SORCS2: variants seen among roughly 807,000 people sequenced by gnomAD.
The protein encoded by SORCS2 is sortilin related VPS10 domain containing receptor 2.
Under a neutral mutation model 141.6 loss-of-function variants are expected in SORCS2, and 100 were observed. The ratio of observed to expected loss-of-function variants is 0.71; its 90% confidence interval spans 0.60 to 0.83. The LOEUF is 0.83. Among genes scored for constraint, SORCS2 ranks in the 40% least tolerant of loss-of-function variants. The probability of loss-of-function intolerance (pLI) is 0.00; values close to 1 mark genes in which losing one functional copy is unlikely to be tolerated. For synonymous variants in SORCS2, 789 were observed against 676.9 expected (o/e 1.17, Z -2.57); for missense variants, 1,646 against 1,560.2 (o/e 1.05, Z -0.93).
chr4:7,236,538 G>A (rs1201744265), intron 1 of SORCS2, among the ~76,000 whole-genome samples: 1 of 152,154 alleles, frequency 6.6e-6, no homozygotes, highest in Admixed American at 6.5e-5. Flanking sequence ...CTGTGTTGCT[G>A]CCTAGTAGAG....
Position 7,530,798 on chromosome 4 carries a change from G to T in SORCS2, c.549-732G>T, listed in dbSNP as rs983369310. On this transcript the variant is annotated intron_variant, in intron 2 of 26. Transcript: ENST00000507866. ...TGCTGGGCAGCCAAGGCGCTTTAAA[G>T]CTCAGTGTACTCTCAGATTCTCACT... 6.6e-5 allele frequency among the ~76,000 whole-genome samples: 10 copies of T among 152,236 alleles called. No individual in the cohort carries two copies. The East Asian group carries it at 9.6e-4, about 15-fold the overall frequency.
intron 11 of SORCS2, among the ~76,000 whole-genome samples, chr4:7,695,940 G>GGATGGATGGATGGA (rs1560491052): frequency 1.1e-5 from 1 of 88,524 alleles, no homozygotes; most frequent in African/African-American, 4.4e-5. Context: ...GGGTGGGTGG[G>GGATGGATGGATGGA]TGGATGGATG....
intron 11 of SORCS2, among the ~76,000 whole-genome samples, chr4:7,691,591 T>G (rs912051313): frequency 6.6e-6 from 1 of 152,142 alleles, no homozygotes; most frequent in African/African-American, 2.4e-5. Context: ...ACAGCCCATC[T>G]GGACAGCCTC....
chr4:7,443,367 A>G (rs1727798536), intron 2 of SORCS2, among the ~76,000 whole-genome samples: 1 of 152,162 alleles, frequency 6.6e-6, no homozygotes, highest in African/African-American at 2.4e-5. Flanking sequence ...GTGTTTGTGG[A>G]GCACCTAGGA....
chr4:7,622,151 C>T (rs1298650688), intron 3 of SORCS2, among the ~76,000 whole-genome samples: 1 of 152,106 alleles, frequency 6.6e-6, no homozygotes, highest in Non-Finnish European at 1.5e-5. Flanking sequence ...CCTGAGGCAC[C>T]TCCTTCTCCC....
intron 19 of SORCS2, among the ~76,000 whole-genome samples, 193 bp from the exon 20 acceptor site, chr4:7,724,961 G>GGCA (rs1727095595): frequency 7.3e-6 from 1 of 136,958 alleles, no homozygotes. Flanking sequence ...TGTTGGTGAT[G>GGCA]GTGGTGATAG....
chr4:7,543,867 T>C (rs1292235492), intron 3 of SORCS2, among the ~76,000 whole-genome samples: 4 of 53,096 alleles, frequency 7.5e-5, no homozygotes, highest in Admixed American at 1.9e-4. Context: ...CATCCACCCA[T>C]CCATCCAGCC....
intron 1 of SORCS2, among the ~76,000 whole-genome samples, chr4:7,314,323 C>T (rs28439103): frequency 1.1e-5 from 1 of 92,802 alleles, no homozygotes; most frequent in South Asian, 5.2e-4. Context: ...AAATCATGGC[C>T]TTTTTTTTAT....
At chr4:7,331,747 G>A (rs1719667287) in intron 1 of SORCS2, among the ~76,000 whole-genome samples, 1 of 152,304 alleles carries the variant, frequency 6.6e-6, no homozygotes, top group East Asian at 1.9e-4. Context: ...CTGACGAAGC[G>A]GGTCTGCAGA....
At chr4:7,547,675 C>T (rs538073981) in intron 3 of SORCS2, among the ~76,000 whole-genome samples, 3 of 152,334 alleles carry the variant, frequency 2.0e-5, no homozygotes, top group South Asian at 2.1e-4. Flanking sequence ...AACCCCAGAT[C>T]AGCTCAGGAC....
intron 5 of SORCS2, among the ~76,000 whole-genome samples, chr4:7,654,721 C>T (rs941515893): frequency 1.3e-5 from 2 of 152,218 alleles, no homozygotes; most frequent in African/African-American, 4.8e-5. Context: ...CCTTCCACTG[C>T]TCAGCCTGTC....
At chr4:7,629,177 G>A (rs933446016) in intron 3 of SORCS2, among the ~76,000 whole-genome samples, 1 of 152,124 alleles carries the variant, frequency 6.6e-6, no homozygotes, top group South Asian at 2.1e-4. Flanking sequence ...TCGTATGTAT[G>A]TATATACACA....
At chr4:7,704,790 T>C (rs748322740) in intron 14 of SORCS2, among the ~76,000 whole-genome samples, 92 of 152,344 alleles carry the variant, frequency 6.0e-4, no homozygotes, top group Non-Finnish European at 2.8e-4. Flanking sequence ...GGCGTTCGAC[T>C]GCACCGCTGC....
chr4:7,646,170 A>G (rs1326648899), intron 4 of SORCS2, among the ~76,000 whole-genome samples: 1 of 152,240 alleles, frequency 6.6e-6, no homozygotes, highest in East Asian at 1.9e-4. Flanking sequence ...ATAAACTCCC[A>G]GGACGCAAGG....
intron 9 of SORCS2, among the ~76,000 whole-genome samples, chr4:7,678,855 G>A (rs572865424): frequency 2.6e-4 from 40 of 151,584 alleles, no homozygotes; most frequent in East Asian, 2.0e-4. Context: ...CTGTGTGGCC[G>A]TAGGTGGGTT....
rs142973871 is a variant in SORCS2 at position 7,338,354 on chromosome 4, TTGGATGGA to T, written c.481-57915_481-57908del. Among the ~76,000 whole-genome samples the T allele has an allele frequency of 3.6e-5, 5 of 138,184 alleles. No individual in the cohort carries two copies. The East Asian group carries it at 8.8e-4, about 24-fold the overall frequency. The allele number at this position is 138,184 out of a possible 152,430, so 90.7% of individuals were successfully genotyped here. A position where few individuals can be genotyped will look rare whatever the true frequency, so the allele number is the denominator to read the frequency against. On this transcript the variant is annotated intron_variant, in intron 1 of 26. Transcript: ENST00000507866. The stretch of plus-strand genomic sequence containing the variant: ...GGATGGCTGGCTGGATGGATGTCAG[TTGGATGGA>T]TGGATGGATGGATGGATGTCGGTTG...
Position 7,664,232 on chromosome 4 carries a change from T to G in SORCS2, c.953-121T>G. On this transcript the variant is annotated intron_variant, in intron 6 of 26. Transcript: ENST00000507866. This position sits in a 1 kb window ranked among gnomAD's most constrained non-coding sequence, Gnocchi z 4.7. ...GGTGTCATCACGGTGGCCTTTAGAA[T>G]TCAAGCCCATGAAGCCACACCACAG... 2.7e-6 allele frequency: 2 copies of G among 751,508 alleles called. No homozygotes were observed. The highest frequency in any genetic ancestry group is 4.3e-6 in the Non-Finnish European group (2 of 468,328). 46.6% of individuals were successfully genotyped at this position (751,508 alleles called of 1,614,324 possible).
chr4:7,701,265 AGAGGGAGG>A (rs1290604483), intron 12 of SORCS2, among the ~76,000 whole-genome samples: 1 of 147,170 alleles, frequency 6.8e-6, no homozygotes, highest in Non-Finnish European at 1.5e-5. Context: ...GGAGGGAAGA[AGAGGGAGG>A]GAGGGAGACG....
At chr4:7,539,925 C>G (rs1300191284) in intron 3 of SORCS2, among the ~76,000 whole-genome samples, 5 of 151,744 alleles carry the variant, frequency 3.3e-5, no homozygotes, top group Middle Eastern at 3.4e-3. Context: ...GGCCCCACCC[C>G]CTTCCTGCTG....
Sources: gnomAD v4.1 joint callset for allele counts (sites outside exome capture counted in the v4.1 genomes callset) on GRCh38, gnomAD v4.1.1 for gene constraint, Gnocchi (gnomAD v3.1) non-coding constraint, MANE v1.5 for transcripts, NCBI Gene and HGNC (gene_info 2026-07-23, HGNC 2026-07-21) for gene names.